Variants in VGLL3 observed in about 807,000 individuals in gnomAD.
VGLL3 encodes transcription cofactor vestigial-like protein 3.
In VGLL3, 18 loss-of-function variants were observed where a neutral mutation model predicts 29.2. That is an observed-to-expected ratio of 0.62 (90% CI 0.43 to 0.91). The LOEUF is 0.91. Ranked by LOEUF, VGLL3 falls within the 40% of genes least tolerant of loss-of-function variation. The probability of loss-of-function intolerance (pLI) is 0.00; values close to 1 mark genes in which losing one functional copy is unlikely to be tolerated. For missense variants in VGLL3, 440 were observed against 413.2 expected (o/e 1.06, Z -0.56); for synonymous variants, 180 against 151.8 (o/e 1.19, Z -1.36).
Position 86,968,575 on chromosome 3 carries a change from A to T in VGLL3, c.937+15T>A. On this transcript the variant is annotated intron_variant, in intron 3 of 3. Coordinates refer to ENST00000398399, the MANE Select transcript of VGLL3 (RefSeq NM_016206.4). The stretch of plus-strand genomic sequence containing the variant: ...CTTTATCTTGTTATAGGAAGAAAGA[A>T]ATCCAGCAGCTTACCTGTATCGAAT... 6.3e-7 allele frequency: 1 copy of T among 1,591,366 alleles called. No homozygotes were observed. Among genetic ancestry groups the T allele is most frequent in the Non-Finnish European group, 8.6e-7 (1 of 1,167,178 alleles).
chr3:86,957,498 A>G (rs1368458603), intron 3 of VGLL3, among the ~76,000 whole-genome samples: 1 of 152,202 alleles, frequency 6.6e-6, no homozygotes, highest in Non-Finnish European at 1.5e-5. Context: ...ACCGTCTAGA[A>G]AACACAAGCT....
At chr3:86,954,211 T>A (rs1237268573) in intron 3 of VGLL3, among the ~76,000 whole-genome samples, 4 of 152,320 alleles carry the variant, frequency 2.6e-5, no homozygotes, top group Non-Finnish European at 4.4e-5. Flanking sequence ...AGGGCAGAAA[T>A]GTAAAACCCA....
chr3:86,990,312 T>C (rs1291580781), intron 1 of VGLL3: 2 of 985,264 alleles, frequency 2.0e-6, no homozygotes, highest in Non-Finnish European at 2.4e-6. Context: ...GGTCCTAAGA[T>C]AGATGCCCTT....
rs1326607204 is a variant in VGLL3 at position 86,942,390 on chromosome 3, T to C, written c.*4634A>G. The C allele has an allele frequency of 6.6e-6, 1 of 152,180 alleles. No individual in the cohort carries two copies. Among genetic ancestry groups the C allele is most frequent in the East Asian group, 1.9e-4 (1 of 5,190 alleles). 9.4% of individuals were successfully genotyped at this position (152,180 alleles called of 1,614,324 possible). ...GTGTCAACATCTGCTTCCAATAAGATTGTTTCTTTTTTTCCTTGAGTAGAG... is the reference window on the plus strand; with the variant it reads ...GTGTCAACATCTGCTTCCAATAAGACTGTTTCTTTTTTTCCTTGAGTAGAG... On this transcript the variant is annotated 3_prime_UTR_variant, in exon 4 of 4. Transcript: ENST00000398399.
At chr3:86,987,328 C>T (rs183752469) in intron 1 of VGLL3, among the ~76,000 whole-genome samples, 1 of 152,294 alleles carries the variant, frequency 6.6e-6, no homozygotes, top group East Asian at 1.9e-4. Flanking sequence ...AACTGAAGTT[C>T]TCCCTCCAAG....
chr3:86,968,654 G>A lies in VGLL3; in HGVS notation c.873C>T (p.Thr291=). 3 of 1,614,206 alleles carry A rather than the reference G, an allele frequency of 1.9e-6. No individual in the cohort carries two copies. The highest frequency in any genetic ancestry group is 1.7e-6 in the Non-Finnish European group (2 of 1,180,048). ...CATGAAAGGCTCCAGCCCATGCTGA[G>A]GTAGCAGAGGTGACTGTAGTTGGTT... ...KTEPTTVTSA[T]SAWAGAFHGT... is the part of the protein sequence containing the mutation. Residue 291 remains threonine, a synonymous_variant, in exon 3 of 4, where the codon ACC becomes ACT. Transcript: ENST00000398399.
chr3:86,971,757 A>T (rs747624143), intron 2 of VGLL3, among the ~76,000 whole-genome samples: 1 of 152,222 alleles, frequency 6.6e-6, no homozygotes, highest in African/African-American at 2.4e-5. Flanking sequence ...TATTTCTGTC[A>T]TACCCACAAT....
At position 86,944,162 on chromosome 3, in the gene VGLL3, G is replaced by A. The variant is rs944271773; in HGVS notation, c.*2862C>T. 2.0e-5 allele frequency: 3 copies of A among 152,254 alleles called. No individual in the cohort carries two copies. In the South Asian group the frequency reaches 6.2e-4, roughly 32 times the overall value. 9.4% of individuals were successfully genotyped at this position (152,254 alleles called of 1,614,324 possible). ...AATATGGTCCTAGAAGACAATTATA[G>A]AGACATGCTCATTCTCTTTCTATGT... On this transcript the variant is annotated 3_prime_UTR_variant, in exon 4 of 4. Transcript: ENST00000398399.
chr3:86,988,710 G>GA (rs1705512185), intron 1 of VGLL3, among the ~76,000 whole-genome samples: 5 of 44,344 alleles, frequency 1.1e-4, no homozygotes, highest in Admixed American at 3.3e-4. Flanking sequence ...AGAAGAAAAA[G>GA]AAGAAAAAGC....
intron 2 of VGLL3, among the ~76,000 whole-genome samples, chr3:86,971,540 T>C (rs548234010): frequency 6.6e-6 from 1 of 152,336 alleles, no homozygotes; most frequent in Non-Finnish European, 1.5e-5. Flanking sequence ...CTCAGGAAAC[T>C]TTTAATTGAA....
chr3:86,973,546 T>C (rs1292674998), intron 2 of VGLL3, among the ~76,000 whole-genome samples: 1 of 152,122 alleles, frequency 6.6e-6, no homozygotes, highest in Non-Finnish European at 1.5e-5. Context: ...TCTTCTAGAG[T>C]TGCTCAAAAT....
chr3:86,969,126 G>A lies in VGLL3; in HGVS notation c.404-3C>T. The A allele has an allele frequency of 1.3e-6, 2 of 1,556,756 alleles. No homozygotes were observed. The highest frequency in any genetic ancestry group is 2.4e-5 in the South Asian group (2 of 82,416). On this transcript the variant is annotated splice_polypyrimidine_tract_variant and splice_region_variant and intron_variant, in intron 2 of 3. Transcript: ENST00000398399. ...CTGGCTTGAGAGAGCTGAGCTGTCT[G>A]AGAAGACAGAAAATAAAAAACATTA...
chr3:86,946,071 G>A lies in VGLL3; in HGVS notation c.*953C>T, dbSNP rs1036846760. The A allele has an allele frequency of 6.6e-6, 1 of 152,016 alleles. No individual in the cohort carries two copies. Among genetic ancestry groups the A allele is most frequent in the Non-Finnish European group, 1.5e-5 (1 of 67,996 alleles). The allele number at this position is 152,016 out of a possible 1,614,324, so 9.4% of individuals were successfully genotyped here. A position where few individuals can be genotyped will look rare whatever the true frequency, so the allele number is the denominator to read the frequency against. On this transcript the variant is annotated 3_prime_UTR_variant, in exon 4 of 4. Coordinates refer to ENST00000398399, the MANE Select transcript of VGLL3 (RefSeq NM_016206.4). The stretch of plus-strand genomic sequence containing the variant: ...TAAAATAAGTCACTGGCACTCATAG[G>A]TGGCATGGTTAAATGCATTTTTTTC...
chr3:86,965,967 C>CG (rs1471364038), intron 3 of VGLL3, among the ~76,000 whole-genome samples: 3 of 152,132 alleles, frequency 2.0e-5, no homozygotes, highest in Non-Finnish European at 4.4e-5. Flanking sequence ...GAAAAATTGA[C>CG]GTACAACACC....
In VGLL3 at chr3:86,938,480, G is replaced by C. The variant is rs1704323253; in HGVS notation, c.*8544C>G. ...TCATGCTTAAAGGGGAACAGATTTT[G>C]TATTTTTTGGCAAGATATTAAATCC... On this transcript the variant is annotated 3_prime_UTR_variant, in exon 4 of 4. Coordinates refer to ENST00000398399, the MANE Select transcript of VGLL3 (RefSeq NM_016206.4). 1 of 152,622 alleles carries C rather than the reference G, an allele frequency of 6.6e-6. No individual in the cohort carries two copies. Among genetic ancestry groups the C allele is most frequent in the South Asian group, 2.1e-4 (1 of 4,832 alleles). 9.5% of individuals were successfully genotyped at this position (152,622 alleles called of 1,614,324 possible). A position where few individuals can be genotyped will look rare whatever the true frequency, so the allele number is the denominator to read the frequency against.
At chr3:86,953,786 T>A (rs1704661502) in intron 3 of VGLL3, among the ~76,000 whole-genome samples, 2 of 152,180 alleles carry the variant, frequency 1.3e-5, no homozygotes. Context: ...TTTTGTATAC[T>A]AGCATTTAGT....
chr3:86,962,084 T>C lies in VGLL3; in HGVS notation c.937+6506A>G, dbSNP rs573530225. On this transcript the variant is annotated intron_variant, in intron 3 of 3. Coordinates refer to ENST00000398399, the MANE Select transcript of VGLL3 (RefSeq NM_016206.4). ...CTGAGTATTTTTCCTATGGAACCCATGAAACTCAGTTTAAAGACTGATAAA... is the reference window on the plus strand; with the variant it reads ...CTGAGTATTTTTCCTATGGAACCCACGAAACTCAGTTTAAAGACTGATAAA... 6.5e-5 allele frequency: 64 copies of C among 985,290 alleles called. No individual in the cohort carries two copies. In the South Asian group the frequency reaches 2.6e-3, roughly 41 times the overall value. 61.0% of individuals were successfully genotyped at this position (985,290 alleles called of 1,614,324 possible). A position where few individuals can be genotyped will look rare whatever the true frequency, so the allele number is the denominator to read the frequency against.
intron 3 of VGLL3, among the ~76,000 whole-genome samples, chr3:86,952,351 C>A (rs372942779): frequency 6.6e-6 from 1 of 152,148 alleles, no homozygotes; most frequent in African/African-American, 2.4e-5. Flanking sequence ...TTGTCAGAGT[C>A]ATAACCCACT....
chr3:86,980,215 T>G lies in VGLL3; in HGVS notation c.127-1413A>C, dbSNP rs551831066. On this transcript the variant is annotated intron_variant, in intron 1 of 3. Coordinates refer to ENST00000398399, the MANE Select transcript of VGLL3 (RefSeq NM_016206.4). ...AAATCACTCCAGAATACCCAGTAAT[T>G]TTTCAAATGTTAGCAAAATACATAC... Among the ~76,000 whole-genome samples the G allele has an allele frequency of 3.9e-5, 6 of 152,102 alleles. 1 individual carries two copies. The South Asian group carries it at 1.0e-3, about 26-fold the overall frequency.
Sources: gnomAD v4.1 joint callset for allele counts (sites outside exome capture counted in the v4.1 genomes callset) on GRCh38, gnomAD v4.1.1 for gene constraint, MANE v1.5 for transcripts, NCBI Gene and HGNC (gene_info 2026-07-23, HGNC 2026-07-21) for gene names.